Variants in SYBU observed in about 807,000 individuals in gnomAD.
SYBU encodes the protein syntabulin, also known as GOLSYN A protein.
Under a neutral mutation model 35.9 loss-of-function variants are expected in SYBU, and 21 were observed. That is an observed-to-expected ratio of 0.58 (90% CI 0.41 to 0.84). The LOEUF is 0.84. SYBU is among the 40% of genes least tolerant of loss of function. The probability of loss-of-function intolerance (pLI) is 0.00; values close to 1 mark genes in which losing one functional copy is unlikely to be tolerated. For missense variants in SYBU, 768 were observed against 848.2 expected (o/e 0.91, Z 1.17); for synonymous variants, 319 against 324.3 (o/e 0.98, Z 0.18).
At chr8:109,620,684 T>C (rs1812312117) in intron 2 of SYBU, among the ~76,000 whole-genome samples, 1 of 152,162 alleles carries the variant, frequency 6.6e-6, no homozygotes, top group Non-Finnish European at 1.5e-5. Context: ...CTTCGGGCTC[T>C]TTTAAATACG....
At chr8:109,634,295 C>T (rs1282197488) in intron 2 of SYBU, among the ~76,000 whole-genome samples, 1 of 152,156 alleles carries the variant, frequency 6.6e-6, no homozygotes, top group East Asian at 1.9e-4. Flanking sequence ...AAAAAGATCT[C>T]TCTTCTAGAT....
chr8:109,632,465 T>A (rs945308388), intron 2 of SYBU, among the ~76,000 whole-genome samples: 1 of 152,220 alleles, frequency 6.6e-6, no homozygotes, highest in African/African-American at 2.4e-5. Flanking sequence ...TTTCCATTTT[T>A]CTTCACAATA....
At chr8:109,587,578 A>C (rs1013920972) in intron 3 of SYBU, among the ~76,000 whole-genome samples, 8 of 152,228 alleles carry the variant, frequency 5.3e-5, no homozygotes, top group African/African-American at 1.9e-4. Context: ...CCATAGGTAC[A>C]AGATGTGGCC....
intron 1 of SYBU, among the ~76,000 whole-genome samples, chr8:109,671,191 C>CA (rs1172406346): frequency 1.3e-5 from 2 of 151,988 alleles, no homozygotes; most frequent in Non-Finnish European, 2.9e-5. Context: ...ATATTTATGT[C>CA]AAAATCATTA....
At chr8:109,579,345 C>A (rs1822738168) in intron 5 of SYBU, among the ~76,000 whole-genome samples, 1 of 152,218 alleles carries the variant, frequency 6.6e-6, no homozygotes. Context: ...CCTGATCGCT[C>A]CAGACTGCGT....
intron 2 of SYBU, 40 bp from the exon 3 acceptor site, chr8:109,619,079 G>T: frequency 6.6e-7 from 1 of 1,523,102 alleles, no homozygotes; most frequent in Non-Finnish European, 9.1e-7. Context: ...TGATGAGGAG[G>T]AAATCAATGA....
chr8:109,580,291 T>C lies in SYBU; in HGVS notation c.531-289A>G, dbSNP rs147805458. On this transcript the variant is annotated intron_variant, in intron 4 of 6. Transcript: ENST00000276646. Reference sequence around the variant, plus strand: ...TAGCCTGCTAAGAACATACACAATGTAGAATATTGATTTAGCTCAGGTTTA... The same window carrying C: ...TAGCCTGCTAAGAACATACACAATGCAGAATATTGATTTAGCTCAGGTTTA... 365 of 312,878 alleles carry C rather than the reference T, an allele frequency of 1.2e-3. 3 individuals carry two copies. Among genetic ancestry groups the C allele is most frequent in the African/African-American group, 7.1e-3 (340 of 48,144 alleles). The allele number at this position is 312,878 out of a possible 1,614,324, so 19.4% of individuals were successfully genotyped here.
intron 3 of SYBU, among the ~76,000 whole-genome samples, chr8:109,598,615 T>A (rs2129995005): frequency 6.6e-6 from 1 of 152,340 alleles, no homozygotes; most frequent in South Asian, 2.1e-4. Flanking sequence ...CTTATCCACG[T>A]GTTTGGTATG....
chr8:109,675,376 AATAG>A (rs1490138492), intron 1 of SYBU, among the ~76,000 whole-genome samples: 5 of 152,238 alleles, frequency 3.3e-5, no homozygotes, highest in Non-Finnish European at 7.3e-5. Flanking sequence ...AGATTAACAA[AATAG>A]ATAGACTGCT....
At chr8:109,577,075 C>T (rs1428942699) in intron 6 of SYBU, among the ~76,000 whole-genome samples, 16 of 152,138 alleles carry the variant, frequency 1.1e-4, no homozygotes, top group Admixed American at 1.0e-3. Flanking sequence ...TGAAAAATTT[C>T]CCTTCCTCGC....
At chr8:109,657,416 T>C (rs986094306) in intron 1 of SYBU, among the ~76,000 whole-genome samples, 1 of 152,224 alleles carries the variant, frequency 6.6e-6, no homozygotes, top group African/African-American at 2.4e-5. Flanking sequence ...TGGTAGTCTT[T>C]TGCCCAAAGG....
At chr8:109,636,359 T>C (rs572628179) in intron 2 of SYBU, among the ~76,000 whole-genome samples, 1 of 152,280 alleles carries the variant, frequency 6.6e-6, no homozygotes, top group South Asian at 2.1e-4. Flanking sequence ...GGGACACAGG[T>C]GAGTAAAAGT....
chr8:109,612,038 T>C (rs893645454), intron 3 of SYBU, among the ~76,000 whole-genome samples: 4 of 152,210 alleles, frequency 2.6e-5, no homozygotes, highest in African/African-American at 9.6e-5. Context: ...ATTACTCCTT[T>C]GAAGGTGGAC....
intron 2 of SYBU, among the ~76,000 whole-genome samples, chr8:109,621,709 T>C (rs1488329168): frequency 6.6e-6 from 1 of 152,184 alleles, no homozygotes; most frequent in Non-Finnish European, 1.5e-5. Context: ...TGCATAGTTA[T>C]TGTAAACTGG....
intron 3 of SYBU, among the ~76,000 whole-genome samples, chr8:109,618,012 AAAC>A (rs1812004458): frequency 6.6e-6 from 1 of 152,228 alleles, no homozygotes; most frequent in South Asian, 2.1e-4. Context: ...TGTCATCACC[AAAC>A]AAAACTTAGA....
Position 109,691,562 on chromosome 8 carries a change from G to A in SYBU, c.-287C>T. The A allele has an allele frequency of 2.2e-6, 1 of 445,620 alleles. No homozygotes were observed. The highest frequency in any genetic ancestry group is 3.9e-6 in the Non-Finnish European group (1 of 255,214). 27.6% of individuals were successfully genotyped at this position (445,620 alleles called of 1,614,324 possible). A position where few individuals can be genotyped will look rare whatever the true frequency, so the allele number is the denominator to read the frequency against. Reference sequence around the variant, plus strand: ...GCGCTCCGGTGCCCTCGGCCCCTCGGCCTCTGCAGCCAGCCGGGCGGCTGC... The same window carrying A: ...GCGCTCCGGTGCCCTCGGCCCCTCGACCTCTGCAGCCAGCCGGGCGGCTGC... On this transcript the variant is annotated 5_prime_UTR_variant, in exon 1 of 8. Transcript: ENST00000422135. This position sits in a 1 kb window ranked among gnomAD's most constrained non-coding sequence, Gnocchi z 4.7.
chr8:109,609,930 A>G lies in SYBU; in HGVS notation c.427+8912T>C, dbSNP rs116966633. Reference sequence around the variant, plus strand: ...TCCAGTTTCACCTCATGATAATCCAAGCTCTACAGAGTCGTCAGAGGGATC... The same window carrying G: ...TCCAGTTTCACCTCATGATAATCCAGGCTCTACAGAGTCGTCAGAGGGATC... On this transcript the variant is annotated intron_variant, in intron 3 of 6. Coordinates refer to ENST00000276646, the MANE Select transcript of SYBU (RefSeq NM_001099754.2). Among the ~76,000 whole-genome samples the G allele has an allele frequency of 2.8e-3, 419 of 152,254 alleles. 6 individuals carry two copies. The East Asian group carries it at 0.04, about 15-fold the overall frequency.
intron 3 of SYBU, among the ~76,000 whole-genome samples, chr8:109,593,349 CA>C (rs1327753272): frequency 8.2e-4 from 125 of 152,282 alleles, no homozygotes; most frequent in African/African-American, 2.1e-3. Flanking sequence ...AATTCACGGG[CA>C]AAGTGCACTC....
At chr8:109,634,244 T>C (rs1355866750) in intron 2 of SYBU, among the ~76,000 whole-genome samples, 4 of 152,200 alleles carry the variant, frequency 2.6e-5, no homozygotes, top group Non-Finnish European at 5.9e-5. Flanking sequence ...ACCTTGCTTA[T>C]GTGCCAGCTC....
Sources: allele counts gnomAD v4.1 joint callset (sites outside exome capture counted in the v4.1 genomes callset), GRCh38; gene constraint gnomAD v4.1.1; non-coding constraint Gnocchi (gnomAD v3.1); transcripts MANE v1.5; gene names NCBI Gene and HGNC (gene_info 2026-07-23, HGNC 2026-07-21).